Variants in KCTD15 observed in about 807,000 individuals in gnomAD.
KCTD15 encodes BTB/POZ domain-containing protein KCTD15.
KCTD15 carries 11 observed loss-of-function variants against 27.2 expected under a neutral mutation model. The ratio of observed to expected loss-of-function variants is 0.41; its 90% CI spans 0.25 to 0.67. The LOEUF (loss-of-function observed/expected upper bound fraction) is 0.67, where lower values mean the gene tolerates loss of function less well. Among genes scored for constraint, KCTD15 ranks in the 30% least tolerant of loss-of-function variants. The probability of loss-of-function intolerance (pLI) is 0.35; values close to 1 mark genes in which losing one functional copy is unlikely to be tolerated. For synonymous variants in KCTD15, 163 were observed against 176.0 expected (o/e 0.93, Z 0.58); for missense variants, 350 against 409.3 (o/e 0.86, Z 1.25).
intron 1 of KCTD15, among the ~76,000 whole-genome samples, chr19:33,797,904 C>T (rs74799846): frequency 2.7e-4 from 41 of 152,338 alleles, no homozygotes; most frequent in African/African-American, 9.4e-4. Context: ...CATCTGTGGT[C>T]TCCAAGTGTC....
chr19:33,811,774 T>C (rs750641651), intron 6 of KCTD15: 1 of 1,601,968 alleles, frequency 6.2e-7, no homozygotes, highest in Non-Finnish European at 8.5e-7. Context: ...TGTACTTTTT[T>C]TTTTTTTTTC....
At chr19:33,812,039 G>A (rs371964418) in intron 6 of KCTD15, 1 of 1,407,590 alleles carries the variant, frequency 7.1e-7, no homozygotes, top group African/African-American at 1.5e-5. Flanking sequence ...CTCAGATGGA[G>A]TGAGGGCCTA....
Position 33,811,427 on chromosome 19 carries a change from A to G in KCTD15, c.568A>G (p.Ile190Val). 2 of 1,612,104 alleles carry G rather than the reference A, an allele frequency of 1.2e-6. No individual in the cohort carries two copies. Among genetic ancestry groups the G allele is most frequent in the Non-Finnish European group, 1.7e-6 (2 of 1,179,516 alleles). ...RIALSGEKAL[I>V]EEVFPETGDV... ...CGCACTCAGCGGCGAGAAGGCCCTCATCGAGGAGGTCTTCCCCGAGACCGG... is the reference window on the plus strand; with the variant it reads ...CGCACTCAGCGGCGAGAAGGCCCTCGTCGAGGAGGTCTTCCCCGAGACCGG... The change falls in exon 6 of 7, where the codon ATC (isoleucine) becomes GTC (valine). Residue 190 changes from isoleucine (I) to valine (V), a missense_variant. By Grantham distance (29) the Ile-to-Val change is conservative (BLOSUM62 3). Transcript: ENST00000683859.
Position 33,811,430 on chromosome 19 carries a change from G to T in KCTD15, c.571G>T (p.Glu191Ter). ...ACTCAGCGGCGAGAAGGCCCTCATC[G>T]AGGAGGTCTTCCCCGAGACCGGAGA... Reference protein sequence around the residue: ...IALSGEKALIEEVFPETGDVM... With the variant: ...IALSGEKALI The change falls in exon 6 of 7, where the codon GAG becomes TAG. Residue 191 changes from glutamate (E) to a stop codon, truncating the protein, a stop_gained. Coordinates refer to ENST00000683859, the MANE Select transcript of KCTD15 (RefSeq NM_001129994.2). LOFTEE classifies it high-confidence loss of function. 6.2e-7 allele frequency: 1 copy of T among 1,612,296 alleles called. No individual in the cohort carries two copies. Among genetic ancestry groups the T allele is most frequent in the Non-Finnish European group, 8.5e-7 (1 of 1,179,590 alleles).
At chr19:33,804,750 C>T (rs1435384221) in intron 4 of KCTD15, among the ~76,000 whole-genome samples, 1 of 152,202 alleles carries the variant, frequency 6.6e-6, no homozygotes, top group African/African-American at 2.4e-5. Context: ...CACAGCCTTT[C>T]CAGCAGGGGC....
chr19:33,800,372 A>G (rs763361410), intron 2 of KCTD15, 56 bp from the exon 3 acceptor site: 483 of 1,381,332 alleles, frequency 3.5e-4, no homozygotes, highest in Non-Finnish European at 4.5e-4. Flanking sequence ...CTTTGACCCC[A>G]TGGTACATGA....
In KCTD15 at chr19:33,808,288, G is replaced by A. The variant is rs1975775553; in HGVS notation, c.387+1281G>A. On this transcript the variant is annotated intron_variant, in intron 5 of 6. Coordinates refer to ENST00000683859, the MANE Select transcript of KCTD15 (RefSeq NM_001129994.2). Reference sequence around the variant, plus strand: ...TACTGAGTGCCAGCCTCTGAATTCAGGCTGAAAACAGTGAAACACACACAC... The same window carrying A: ...TACTGAGTGCCAGCCTCTGAATTCAAGCTGAAAACAGTGAAACACACACAC... 3.9e-5 allele frequency among the ~76,000 whole-genome samples: 6 copies of A among 152,242 alleles called. No homozygotes were observed. The South Asian group carries it at 1.2e-3, about 31-fold the overall frequency.
intron 6 of KCTD15, 99 bp downstream of exon 6, chr19:33,811,651 G>GGA: frequency 6.6e-7 from 1 of 1,516,184 alleles, no homozygotes; most frequent in Non-Finnish European, 8.9e-7. Context: ...CCCTGAAACG[G>GGA]TGAAGCCCCC....
intron 5 of KCTD15, among the ~76,000 whole-genome samples, chr19:33,809,709 G>GTTA (rs909047705): frequency 1.2e-4 from 18 of 151,940 alleles, no homozygotes; most frequent in African/African-American, 4.3e-4. Flanking sequence ...AATTATTATT[G>GTTA]TTATTATTAT....
chr19:33,811,355 T>C lies in KCTD15; in HGVS notation c.496T>C (p.Cys166Arg), dbSNP rs768824052. 18 of 1,573,072 alleles carry C rather than the reference T, an allele frequency of 1.1e-5. No individual in the cohort carries two copies. The East Asian group carries it at 4.3e-4, about 37-fold the overall frequency. The part of the protein sequence containing the change: ...EQEQRRRSRA[C>R]DCLVVRVTPD... Reference sequence around the variant, plus strand: ...GGAGCAGCGGCGCCGCAGCCGGGCCTGTGACTGCCTGGTGGTGCGCGTCAC... The same window carrying C: ...GGAGCAGCGGCGCCGCAGCCGGGCCCGTGACTGCCTGGTGGTGCGCGTCAC... Residue 166 changes from cysteine (C) to arginine (R), a missense_variant, in exon 6 of 7, where the codon TGT (cysteine) becomes CGT (arginine). Around this residue, in one of 3 missense-constraint regions of KCTD15, gnomAD observed 219 missense variants for 234.9 expected, o/e 0.93. Coordinates refer to ENST00000683859, the MANE Select transcript of KCTD15 (RefSeq NM_001129994.2).
At chr19:33,811,733 C>A in intron 6 of KCTD15, 181 bp downstream of exon 6, 1 of 1,568,998 alleles carries the variant, frequency 6.4e-7, no homozygotes, top group Non-Finnish European at 8.7e-7. Context: ...TAAATGATGG[C>A]GCCTGGGGGA....
Position 33,811,409 on chromosome 19 carries a change from A to G in KCTD15, c.550A>G (p.Ser184Gly). 1 of 1,609,952 alleles carries G rather than the reference A, an allele frequency of 6.2e-7. No individual in the cohort carries two copies. The highest frequency in any genetic ancestry group is 8.5e-7 in the Non-Finnish European group (1 of 1,178,604). The change falls in exon 6 of 7, where the codon AGC (serine) becomes GGC (glycine). Residue 184 changes from serine (S) to glycine (G), a missense_variant. Ser to Gly is a moderately conservative substitution (Grantham distance 56). Transcript: ENST00000683859. ...CGACTTGGGCGAGCGGATCGCACTC[A>G]GCGGCGAGAAGGCCCTCATCGAGGA... ...TPDLGERIALSGEKALIEEVF... is the reference protein window; with the variant it reads ...TPDLGERIALGGEKALIEEVF...
chr19:33,811,183 CTCCCCCTT>C, intron 5 of KCTD15, 56 bp from the exon 6 acceptor site: 1 of 833,772 alleles, frequency 1.2e-6, no homozygotes, highest in Non-Finnish European at 1.8e-6. Flanking sequence ...CGCCTCCCCT[CTCCCCCTT>C]CCCCCACCAC....
Position 33,801,173 on chromosome 19 carries a change from G to A in KCTD15, c.73G>A (p.Gly25Arg), listed in dbSNP as rs368452319. 1.6e-5 allele frequency: 26 copies of A among 1,600,764 alleles called. No homozygotes were observed. The African/African-American group carries it at 3.5e-4, about 21-fold the overall frequency. ...THGSTGTAEG[G>R]NMSRLSLTRS... Reference sequence around the variant, plus strand: ...GCTTTGTTTCCATCTCTAGGAGGGAGGAAACATGTCCCGGCTGTCTCTCAC... The same window carrying A: ...GCTTTGTTTCCATCTCTAGGAGGGAAGAAACATGTCCCGGCTGTCTCTCAC... Residue 25 changes from glycine to arginine, a missense_variant, in exon 4 of 7, where the codon GGA becomes AGA. Coordinates refer to ENST00000683859, the MANE Select transcript of KCTD15 (RefSeq NM_001129994.2).
intron 6 of KCTD15, chr19:33,811,851 A>G: frequency 6.2e-7 from 1 of 1,602,902 alleles, no homozygotes; most frequent in Non-Finnish European, 8.5e-7. Context: ...TGACACCCAG[A>G]GTCTGACTTT....
chr19:33,801,494 T>A, intron 4 of KCTD15, 152 bp downstream of exon 4: 1 of 633,220 alleles, frequency 1.6e-6, no homozygotes, highest in Non-Finnish European at 2.6e-6. Context: ...GAGCTAGGGT[T>A]GGGGAGTCCA....
intron 5 of KCTD15, among the ~76,000 whole-genome samples, chr19:33,810,675 C>CAAAAAAA (rs72186145): frequency 8.3e-6 from 1 of 120,650 alleles, no homozygotes; most frequent in African/African-American, 3.4e-5. Context: ...AAAACAAAAA[C>CAAAAAAA]AAAAAAAAAA....
chr19:33,807,745 G>A (rs915671032), intron 5 of KCTD15, among the ~76,000 whole-genome samples: 2 of 152,060 alleles, frequency 1.3e-5, no homozygotes, highest in East Asian at 3.9e-4. Context: ...AAGGACGGCT[G>A]TAATTAGACT....
chr19:33,795,487 G>A (rs1405110130), upstream of KCTD15, among the ~76,000 whole-genome samples: 1 of 151,906 alleles, frequency 6.6e-6, no homozygotes, highest in African/African-American at 2.4e-5. Flanking sequence ...GGCCCGGCCG[G>A]AGCCGGCGGT....
Sources: allele counts gnomAD v4.1 joint callset (sites outside exome capture counted in the v4.1 genomes callset), GRCh38; gene constraint gnomAD v4.1.1; regional missense constraint gnomAD v4.1.1; transcripts MANE v1.5; gene names NCBI Gene and HGNC (gene_info 2026-07-23, HGNC 2026-07-21).